The following SEMA3A variants were observed in gnomAD, a reference collection of about 807,000 sequenced individuals.
SEMA3A encodes the protein semaphorin 3A, also known as semaphorin-3A.
SEMA3A carries 29 observed loss-of-function variants against 97.9 expected under a neutral mutation model. That is an observed-to-expected ratio of 0.30 (90% confidence interval 0.22 to 0.40). The LOEUF (loss-of-function observed/expected upper bound fraction) is 0.40, where lower values mean the gene tolerates loss of function less well. Among genes scored for constraint, SEMA3A ranks in the 10% least tolerant of loss-of-function variants. SEMA3A has a pLI of 1.00. For synonymous variants in SEMA3A, 321 were observed against 323.7 expected (o/e 0.99, Z 0.09); for missense variants, 763 against 951.3 (o/e 0.80, Z 2.60).
At position 83,994,629 on chromosome 7, in the gene SEMA3A, G is replaced by A. The variant is rs926795062; in HGVS notation, c.1452+7326C>T. 7.6e-5 allele frequency among the ~76,000 whole-genome samples: 11 copies of A among 144,708 alleles called. 1 individual carries two copies. The highest frequency in any genetic ancestry group is 2.6e-4 in the African/African-American group (10 of 38,492). 94.9% of individuals were successfully genotyped at this position (144,708 alleles called of 152,430 possible). On this transcript the variant is annotated intron_variant, in intron 12 of 16. Transcript: ENST00000265362. ...GGGTGCCTCCCAGTTAGGCTGCTCC[G>A]GGATCAGGGGTCAGGGACCCACTTG...
intron 2 of SEMA3A, among the ~76,000 whole-genome samples, chr7:84,338,066 A>C (rs111298392): frequency 8.0e-4 from 122 of 152,058 alleles, no homozygotes; most frequent in African/African-American, 2.6e-3. Context: ...ACACTTATAC[A>C]TATATATACA....
chr7:84,458,770 G>T (rs1363868458), intron 1 of SEMA3A, among the ~76,000 whole-genome samples: 1 of 151,898 alleles, frequency 6.6e-6, no homozygotes, highest in Admixed American at 6.6e-5. Context: ...CAGGGTAATG[G>T]GATATCCATC....
chr7:84,077,967 T>A (rs1466587089), intron 4 of SEMA3A, among the ~76,000 whole-genome samples: 1 of 152,008 alleles, frequency 6.6e-6, no homozygotes, highest in Non-Finnish European at 1.5e-5. Flanking sequence ...AGATAGGTGT[T>A]AAAAATAGAT....
chr7:84,300,556 C>T (rs1018844399), intron 3 of SEMA3A, among the ~76,000 whole-genome samples: 9 of 151,792 alleles, frequency 5.9e-5, no homozygotes, highest in African/African-American at 1.7e-4. Context: ...AATGAAGACA[C>T]AAATAATAAG....
intron 4 of SEMA3A, among the ~76,000 whole-genome samples, chr7:84,071,228 A>T (rs1183448706): frequency 6.6e-6 from 1 of 152,116 alleles, no homozygotes; most frequent in African/African-American, 2.4e-5. Context: ...TGGCTTCCAT[A>T]ATGGATAAAG....
chr7:84,317,819 G>A (rs1801544697), intron 2 of SEMA3A, among the ~76,000 whole-genome samples: 1 of 152,044 alleles, frequency 6.6e-6, no homozygotes, highest in African/African-American at 2.4e-5. Context: ...AGGAAGTCTT[G>A]AAAATGCAAA....
At chr7:84,196,034 A>G (rs1159836449), upstream of SEMA3A, among the ~76,000 whole-genome samples, 1 of 152,090 alleles carries the variant, frequency 6.6e-6, no homozygotes, top group Non-Finnish European at 1.5e-5. Context: ...TTTTACAAGA[A>G]TCTTTAGGGG....
chr7:84,074,542 C>T (rs1014517620), intron 4 of SEMA3A, among the ~76,000 whole-genome samples: 20 of 151,996 alleles, frequency 1.3e-4, no homozygotes, highest in Admixed American at 5.2e-4. Context: ...CCTTTCCCTT[C>T]AATAAAGCAA....
At chr7:84,336,206 A>G (rs548644768) in intron 2 of SEMA3A, among the ~76,000 whole-genome samples, 6 of 152,202 alleles carry the variant, frequency 3.9e-5, no homozygotes, top group Admixed American at 1.3e-4. Context: ...AATTAAGAGG[A>G]AACTTTTCAA....
intron 1 of SEMA3A, among the ~76,000 whole-genome samples, chr7:84,166,487 C>T (rs1797209635): frequency 6.6e-6 from 1 of 150,446 alleles, no homozygotes. Context: ...AGGAGAATTG[C>T]TTGAACCCAG....
At chr7:84,250,953 C>T (rs994154044) in intron 3 of SEMA3A, among the ~76,000 whole-genome samples, 2 of 152,088 alleles carry the variant, frequency 1.3e-5, no homozygotes, top group African/African-American at 2.4e-5. Context: ...ATGTCCAGCA[C>T]GCAGATAATC....
chr7:84,337,811 T>C (rs1802074240), intron 2 of SEMA3A, among the ~76,000 whole-genome samples: 1 of 152,112 alleles, frequency 6.6e-6, no homozygotes, highest in South Asian at 2.1e-4. Context: ...TTGATCTACA[T>C]GTAGCCCCAA....
At chr7:84,151,594 G>A (rs1319724138) in intron 1 of SEMA3A, among the ~76,000 whole-genome samples, 2 of 152,070 alleles carry the variant, frequency 1.3e-5, no homozygotes, top group African/African-American at 2.4e-5. Flanking sequence ...ACTATGTGAA[G>A]AGACCAAATC....
At chr7:84,328,982 G>T (rs1801841690) in intron 2 of SEMA3A, among the ~76,000 whole-genome samples, 1 of 151,630 alleles carries the variant, frequency 6.6e-6, no homozygotes, top group Non-Finnish European at 1.5e-5. Flanking sequence ...ATTTATTATT[G>T]TTATACTTTA....
At chr7:84,427,046 A>G (rs951602368) in intron 1 of SEMA3A, among the ~76,000 whole-genome samples, 13 of 152,188 alleles carry the variant, frequency 8.5e-5, no homozygotes, top group Non-Finnish European at 1.5e-5. Context: ...AGTGAGGATT[A>G]TAACTATTGA....
At chr7:84,492,309 T>C (rs113094928) in intron 1 of SEMA3A, among the ~76,000 whole-genome samples, 1,553 of 152,206 alleles carry the variant, frequency 0.01, 22 homozygotes, top group African/African-American at 0.033. Context: ...TGCCAGGGCA[T>C]TGTGCAAAAT....
At chr7:84,011,392 A>G in intron 7 of SEMA3A, 95 bp from the exon 8 acceptor site, 1 of 796,478 alleles carries the variant, frequency 1.3e-6, no homozygotes, top group South Asian at 1.6e-5. Context: ...AACATAAAAT[A>G]CAGTTTCTCA....
intron 3 of SEMA3A, among the ~76,000 whole-genome samples, chr7:84,211,416 G>C (rs1387476536): frequency 1.3e-5 from 2 of 151,164 alleles, no homozygotes; most frequent in East Asian, 1.9e-4. Flanking sequence ...TTCGAGACCA[G>C]CCTGGCCAAC....
chr7:84,085,974 T>C (rs987879443), intron 4 of SEMA3A, among the ~76,000 whole-genome samples: 1 of 152,132 alleles, frequency 6.6e-6, no homozygotes, highest in Non-Finnish European at 1.5e-5. Flanking sequence ...GTTGGACACA[T>C]TGTAAGAGTT....
Sources: gnomAD v4.1 joint callset for allele counts (sites outside exome capture counted in the v4.1 genomes callset) on GRCh38, gnomAD v4.1.1 for gene constraint, MANE v1.5 for transcripts, NCBI Gene and HGNC (gene_info 2026-07-23, HGNC 2026-07-21) for gene names.